PLCB1: variants seen among roughly 807,000 people sequenced by gnomAD.
PLCB1 encodes the protein 1-phosphatidylinositol 4,5-bisphosphate phosphodiesterase beta-1.
PLCB1 carries 46 observed loss-of-function variants against 161.8 expected under a neutral mutation model. The ratio of observed to expected loss-of-function variants is 0.28; its 90% CI spans 0.22 to 0.36. PLCB1 has a LOEUF of 0.36. PLCB1 is among the 10% of genes least tolerant of loss of function. The probability of loss-of-function intolerance (pLI) is 1.00; values close to 1 mark genes in which losing one functional copy is unlikely to be tolerated. For synonymous variants in PLCB1, 517 were observed against 503.7 expected, an observed-to-expected ratio of 1.03 and a Z score of -0.35; for missense variants, 1,016 against 1,472.5, an observed-to-expected ratio of 0.69 and a Z score of 5.07.
chr20:8,185,333 CT>C (rs2051891549), intron 2 of PLCB1, among the ~76,000 whole-genome samples: 1 of 152,112 alleles, frequency 6.6e-6, no homozygotes, highest in Admixed American at 6.5e-5. Context: ...AACATTCTAA[CT>C]TACAAAGAAC....
Position 8,417,081 on chromosome 20 carries a change from T to A in PLCB1, c.246+45631T>A, listed in dbSNP as rs1302219478. Among the ~76,000 whole-genome samples the A allele has an allele frequency of 2.0e-3, 132 of 66,014 alleles. 2 individuals are homozygous for A. The highest frequency in any genetic ancestry group is 5.8e-3 in the African/African-American group (97 of 16,624). The allele number at this position is 66,014 out of a possible 152,430, so 43.3% of individuals were successfully genotyped here. A position where few individuals can be genotyped will look rare whatever the true frequency, so the allele number is the denominator to read the frequency against. On this transcript the variant is annotated intron_variant, in intron 3 of 31. Coordinates refer to ENST00000338037, the MANE Select transcript of PLCB1 (RefSeq NM_015192.4). ...TATATATATATATATATATTTTTTTTTTTTTTTTTTTTTTTTTTTTTTTGA... is the reference window on the plus strand; with the variant it reads ...TATATATATATATATATATTTTTTTATTTTTTTTTTTTTTTTTTTTTTTGA...
intron 4 of PLCB1, among the ~76,000 whole-genome samples, chr20:8,629,817 T>TTTTCTTTCTTTTCTTTCTTTTC (rs1555777956): frequency 3.1e-5 from 3 of 96,964 alleles, no homozygotes; most frequent in East Asian, 2.7e-4. Context: ...CTTTTCTTTC[T>TTTTCTTTCTTTTCTTTCTTTTC]TTTCTTTCTT....
intron 3 of PLCB1, among the ~76,000 whole-genome samples, chr20:8,436,092 A>T (rs1980288189): frequency 6.6e-6 from 1 of 152,098 alleles, no homozygotes; most frequent in Non-Finnish European, 1.5e-5. Flanking sequence ...TAATCCCAGC[A>T]CTTTGGGAGG....
At chr20:8,759,896 ATTTTTTTTTTTTTTTTTTT>A (rs3033840) in intron 24 of PLCB1, among the ~76,000 whole-genome samples, 1,267 of 78,322 alleles carry the variant, frequency 0.016, 17 homozygotes, top group Non-Finnish European at 0.02. Context: ...ATAATATCAC[ATTTTTTTTTTTTTTTTTTT>A]TTTGGAGACA....
chr20:8,399,607 A>G (rs987945528), intron 3 of PLCB1, among the ~76,000 whole-genome samples: 3 of 152,166 alleles, frequency 2.0e-5, no homozygotes, highest in African/African-American at 7.2e-5. Context: ...TATATCAAAT[A>G]TTACTCTCAA....
chr20:8,761,593 ACCGCAACCT>A (rs1255090724), intron 25 of PLCB1, among the ~76,000 whole-genome samples: 9 of 152,260 alleles, frequency 5.9e-5, no homozygotes, highest in African/African-American at 2.2e-4. Flanking sequence ...ATCTCGGCTG[ACCGCAACCT>A]CCACCTCCCG....
chr20:8,189,880 A>G (rs1361393448), intron 2 of PLCB1, among the ~76,000 whole-genome samples: 1 of 152,060 alleles, frequency 6.6e-6, no homozygotes, highest in African/African-American at 2.4e-5. Flanking sequence ...CCATGTTTCA[A>G]GGGAATGTTT....
rs997024049 is a variant in PLCB1, at chr20:8,430,327, A to G, written c.246+58877A>G. ...GCCTCAGGTAATGCAAAATCTGTACATAATGATTGAGGTCAGGAGAACAGA... is the reference window on the plus strand; with the variant it reads ...GCCTCAGGTAATGCAAAATCTGTACGTAATGATTGAGGTCAGGAGAACAGA... On this transcript the variant is annotated intron_variant, in intron 3 of 31. Coordinates refer to ENST00000338037, the MANE Select transcript of PLCB1 (RefSeq NM_015192.4). 7.2e-5 allele frequency among the ~76,000 whole-genome samples: 11 copies of G among 152,048 alleles called. 1 individual carries two copies. Among genetic ancestry groups the G allele is most frequent in the Non-Finnish European group, 1.3e-4 (9 of 67,994 alleles).
intron 31 of PLCB1, among the ~76,000 whole-genome samples, chr20:8,820,175 AC>A (rs1311277971): frequency 6.7e-6 from 1 of 148,158 alleles, no homozygotes; most frequent in Non-Finnish European, 1.5e-5. Flanking sequence ...ACCAGCAGAT[AC>A]AGAGAACCCA....
intron 31 of PLCB1, among the ~76,000 whole-genome samples, chr20:8,857,548 T>C (rs1987110024): frequency 6.6e-6 from 1 of 152,224 alleles, no homozygotes; most frequent in Non-Finnish European, 1.5e-5. Context: ...GCAAACTCTG[T>C]ACCAGAAGTT....
chr20:8,794,591 T>C (rs995774102), intron 31 of PLCB1, among the ~76,000 whole-genome samples: 31 of 152,250 alleles, frequency 2.0e-4, no homozygotes, highest in African/African-American at 7.5e-4. Flanking sequence ...CATGTTGTTG[T>C]ATATAATAAT....
intron 2 of PLCB1, among the ~76,000 whole-genome samples, chr20:8,273,498 A>C (rs1044327878): frequency 6.6e-6 from 1 of 152,152 alleles, no homozygotes; most frequent in South Asian, 2.1e-4. Context: ...TGCAAAATCA[A>C]TTGCCAATTT....
At chr20:8,136,975 G>T (rs74946103) in intron 1 of PLCB1, among the ~76,000 whole-genome samples, 2 of 151,932 alleles carry the variant, frequency 1.3e-5, no homozygotes, top group Admixed American at 1.3e-4. Flanking sequence ...AACATTGCAC[G>T]TTCTGTCTTA....
At chr20:8,757,791 C>T (rs1429279941) in intron 24 of PLCB1, among the ~76,000 whole-genome samples, 1 of 152,024 alleles carries the variant, frequency 6.6e-6, no homozygotes, top group Non-Finnish European at 1.5e-5. Context: ...CCCAATGATA[C>T]TAACATTCTT....
At chr20:8,837,881 C>T (rs1986349299) in intron 31 of PLCB1, among the ~76,000 whole-genome samples, 1 of 152,134 alleles carries the variant, frequency 6.6e-6, no homozygotes, top group African/African-American at 2.4e-5. Context: ...AGTGGCAGCA[C>T]TCGACCGTCA....
At chr20:8,629,974 CTTTCTTTCT>C (rs766899873) in intron 4 of PLCB1, among the ~76,000 whole-genome samples, 1,623 of 26,990 alleles carry the variant, frequency 0.06, 54 homozygotes, top group African/African-American at 0.19. Context: ...TTCTTTCTTT[CTTTCTTTCT>C]TTCTTTCTTT....
At chr20:8,495,485 C>T (rs1336435821) in intron 3 of PLCB1, among the ~76,000 whole-genome samples, 2 of 148,612 alleles carry the variant, frequency 1.3e-5, no homozygotes, top group Non-Finnish European at 3.0e-5. Context: ...GAAAGCTCCA[C>T]CTCCCGGGTT....
At chr20:8,806,297 G>A (rs934239542) in intron 31 of PLCB1, among the ~76,000 whole-genome samples, 1 of 151,986 alleles carries the variant, frequency 6.6e-6, no homozygotes, top group African/African-American at 2.4e-5. Context: ...CAAGCAGAAG[G>A]AAAGGGAGAC....
chr20:8,751,050 G>A (rs372832623), intron 23 of PLCB1: 13 of 312,752 alleles, frequency 4.2e-5, no homozygotes, highest in East Asian at 3.7e-4. Flanking sequence ...ATTCTCCTGG[G>A]TCAGCCTCCT....
Sources: allele counts gnomAD v4.1 joint callset (sites outside exome capture counted in the v4.1 genomes callset), GRCh38; gene constraint gnomAD v4.1.1; transcripts MANE v1.5; gene names NCBI Gene and HGNC (gene_info 2026-07-23, HGNC 2026-07-21).